Variants in MED12L observed in about 807,000 individuals in gnomAD.
MED12L encodes mediator complex subunit 12L, also known as mediator of RNA polymerase II transcription subunit 12-like protein.
MED12L carries 60 observed loss-of-function variants against 281.3 expected under a neutral mutation model. The ratio of observed to expected loss-of-function variants is 0.21; its 90% confidence interval spans 0.17 to 0.26. The LOEUF (loss-of-function observed/expected upper bound fraction) is 0.26, where lower values mean the gene tolerates loss of function less well. MED12L is among the 10% of genes least tolerant of loss of function. The probability of loss-of-function intolerance (pLI) is 1.00; values close to 1 mark genes in which losing one functional copy is unlikely to be tolerated. For missense variants in MED12L, 2,146 were observed against 2,680.9 expected (o/e 0.80, Z 4.41); for synonymous variants, 974 against 987.2 (o/e 0.99, Z 0.25).
Position 151,165,977 on chromosome 3 carries a change from C to T in MED12L, c.1489C>T (p.Gln497Ter). 1 of 1,597,840 alleles carries T rather than the reference C, an allele frequency of 6.3e-7. No homozygotes were observed. Among genetic ancestry groups the T allele is most frequent in the Non-Finnish European group, 8.5e-7 (1 of 1,174,416 alleles). Residue 497 changes from glutamine (Q) to a stop codon, truncating the protein, a stop_gained, in exon 11 of 45, where the codon CAA (glutamine) becomes TAA (stop). Coordinates refer to ENST00000687756, the MANE Select transcript of MED12L (RefSeq NM_001393769.1). LOFTEE classifies it high-confidence loss of function. ...IFWANQNKDNQEVAPNDEAVV... is the reference protein window; with the variant it reads ...IFWANQNKDN ...CTGGGCAAACCAAAACAAAGATAAC[C>T]AAGAGGTAGTTAATTTTTTTTTAAT...
intron 16 of MED12L, among the ~76,000 whole-genome samples, chr3:151,243,763 AC>A: frequency 6.6e-6 from 1 of 152,028 alleles, no homozygotes; most frequent in East Asian, 1.9e-4. Flanking sequence ...TTCACACATA[AC>A]AATATTAACT....
At chr3:151,191,954 C>A (rs1724043568) in intron 14 of MED12L, among the ~76,000 whole-genome samples, 2 of 151,864 alleles carry the variant, frequency 1.3e-5, no homozygotes, top group South Asian at 2.1e-4. Context: ...AGGCATATAC[C>A]ATTATTATTT....
intron 2 of MED12L, among the ~76,000 whole-genome samples, chr3:151,101,218 T>C (rs906666334): frequency 7.2e-5 from 11 of 152,192 alleles, no homozygotes; most frequent in Admixed American, 2.6e-4. Context: ...TATTTATTTA[T>C]TTGAAAATTG....
chr3:151,356,125 C>T, intron 19 of MED12L, 86 bp downstream of exon 19: 1 of 1,365,918 alleles, frequency 7.3e-7, no homozygotes, highest in Non-Finnish European at 1.0e-6. Flanking sequence ...ATTAGCTGGG[C>T]ACAGTGGCTT....
At chr3:151,160,891 G>A (rs886554896) in intron 8 of MED12L, among the ~76,000 whole-genome samples, 1 of 152,172 alleles carries the variant, frequency 6.6e-6, no homozygotes, top group Non-Finnish European at 1.5e-5. Flanking sequence ...TTAGTTCTTC[G>A]AATGAGTTGA....
intron 26 of MED12L, 148 bp from the exon 27 acceptor site, chr3:151,372,419 C>T (rs1756303814): frequency 1.6e-6 from 1 of 622,280 alleles, no homozygotes; most frequent in Non-Finnish European, 2.8e-6. Context: ...TGCTCTTGAT[C>T]CATTCTCTCT....
intron 40 of MED12L, 65 bp downstream of exon 40, chr3:151,409,397 TAAGTA>T: frequency 1.4e-6 from 2 of 1,420,552 alleles, no homozygotes; most frequent in Non-Finnish European, 2.0e-6. Flanking sequence ...GGTGGGAAAT[TAAGTA>T]AATAGAATAT....
At chr3:151,184,055 T>C (rs898576708) in intron 11 of MED12L, among the ~76,000 whole-genome samples, 1 of 152,234 alleles carries the variant, frequency 6.6e-6, no homozygotes, top group African/African-American at 2.4e-5. Flanking sequence ...GTTCAAACAT[T>C]TCTTTCAATT....
intron 2 of MED12L, among the ~76,000 whole-genome samples, chr3:151,109,061 AT>A (rs11370443): frequency 8.2e-4 from 120 of 146,562 alleles, no homozygotes; most frequent in Middle Eastern, 3.5e-3. Context: ...GAAGGTCTGA[AT>A]TTTTTTTTTT....
chr3:151,255,052 G>A (rs994650250), intron 16 of MED12L, among the ~76,000 whole-genome samples: 2 of 151,924 alleles, frequency 1.3e-5, no homozygotes, highest in African/African-American at 2.4e-5. Flanking sequence ...CATAATAAGC[G>A]AGGCCTTTGC....
At chr3:151,234,617 A>AG (rs1229840366) in intron 16 of MED12L, among the ~76,000 whole-genome samples, 1 of 152,236 alleles carries the variant, frequency 6.6e-6, no homozygotes, top group Non-Finnish European at 1.5e-5. Flanking sequence ...AGAAAGATGA[A>AG]GGGAGCTTAA....
rs535170369 is a variant in MED12L, at chr3:151,318,292, G to T, written c.2251-31767G>T. ...TACAAACAATCCTTCATTTAGTTTT[G>T]ACTCTCTCTGTGCTATTTTATACTT... On this transcript the variant is annotated intron_variant, in intron 16 of 44. Coordinates refer to ENST00000687756, the MANE Select transcript of MED12L (RefSeq NM_001393769.1). Among the ~76,000 whole-genome samples, 6 of 151,582 alleles carry T rather than the reference G, an allele frequency of 4.0e-5. No homozygotes were observed. In the South Asian group the frequency reaches 1.3e-3, roughly 32 times the overall value.
chr3:151,209,734 C>T lies in MED12L; in HGVS notation c.2250+16068C>T, dbSNP rs1355311479. Among the ~76,000 whole-genome samples the T allele has an allele frequency of 3.3e-5, 5 of 151,952 alleles. No individual in the cohort carries two copies. The East Asian group carries it at 7.7e-4, about 23-fold the overall frequency. ...CAGAGTTGAAAGATACAGATGGCAG[C>T]GATAGGGTTAAGGATAGAGCGCAGA... On this transcript the variant is annotated intron_variant, in intron 16 of 44. Coordinates refer to ENST00000687756, the MANE Select transcript of MED12L (RefSeq NM_001393769.1).
intron 20 of MED12L, among the ~76,000 whole-genome samples, chr3:151,360,208 A>C (rs1357848221): frequency 6.6e-6 from 1 of 152,140 alleles, no homozygotes; most frequent in Non-Finnish European, 1.5e-5. Flanking sequence ...ATTCCTCCAT[A>C]CGTACCTTCT....
chr3:151,368,366 T>TGG (rs1358499581), intron 25 of MED12L, 115 bp downstream of exon 25: 4 of 807,598 alleles, frequency 5.0e-6, no homozygotes, highest in Non-Finnish European at 8.3e-6. Context: ...GGGCATGCCC[T>TGG]GGGGGTGATG....
intron 5 of MED12L, among the ~76,000 whole-genome samples, chr3:151,154,912 A>G (rs954203045): frequency 6.6e-6 from 1 of 152,238 alleles, no homozygotes; most frequent in Non-Finnish European, 1.5e-5. Context: ...ATGTCGACCT[A>G]GTATTTGTTC....
chr3:151,374,588 C>G (rs1364845139), intron 27 of MED12L, among the ~76,000 whole-genome samples: 2 of 152,064 alleles, frequency 1.3e-5, no homozygotes, highest in Non-Finnish European at 2.9e-5. Context: ...TACACACATA[C>G]CACTAGGAAG....
intron 41 of MED12L, 112 bp from the exon 42 acceptor site, chr3:151,413,027 G>T (rs951667473): frequency 8.0e-7 from 1 of 1,244,498 alleles, no homozygotes; most frequent in African/African-American, 1.5e-5. Flanking sequence ...TTGTGCAAAG[G>T]ATTATTGAGC....
chr3:151,192,864 G>GTT lies in MED12L; in HGVS notation c.2073+211_2073+212insTT, dbSNP rs545998605. On this transcript the variant is annotated intron_variant, in intron 15 of 44. Transcript: ENST00000687756. ...CTACTCTGTAAATTGGAACACTCCT[G>GTT]TCCTCCTGGTTGGCTAACTTTTTTG... 3.0e-3 allele frequency among the ~76,000 whole-genome samples: 462 copies of GTT among 152,220 alleles called. 2 individuals are homozygous for GTT. Among genetic ancestry groups the GTT allele is most frequent in the African/African-American group, 0.011 (447 of 41,502 alleles).
Sources: allele counts gnomAD v4.1 joint callset (sites outside exome capture counted in the v4.1 genomes callset), GRCh38; gene constraint gnomAD v4.1.1; transcripts MANE v1.5; gene names NCBI Gene and HGNC (gene_info 2026-07-23, HGNC 2026-07-21).